Variants in CDH4 observed in about 807,000 individuals in gnomAD.
The protein encoded by CDH4 is cadherin-4.
A neutral mutation model predicts 86.0 loss-of-function variants in CDH4; 33 were observed. The observed-to-expected ratio is 0.38, with a 90% confidence interval of 0.29 to 0.51. The LOEUF (loss-of-function observed/expected upper bound fraction) is 0.51, where lower values mean the gene tolerates loss of function less well. Among genes scored for constraint, CDH4 ranks in the 20% least tolerant of loss-of-function variants. The probability of loss-of-function intolerance (pLI) is 0.86; values close to 1 mark genes in which losing one functional copy is unlikely to be tolerated. For synonymous variants in CDH4, 555 were observed against 549.4 expected, an observed-to-expected ratio of 1.01 and a Z score of -0.14; for missense variants, 1,114 against 1,307.4, an observed-to-expected ratio of 0.85 and a Z score of 2.28.
chr20:61,913,684 G>A (rs964391687), intron 9 of CDH4, among the ~76,000 whole-genome samples: 3 of 152,254 alleles, frequency 2.0e-5, no homozygotes, highest in Non-Finnish European at 4.4e-5. Flanking sequence ...CTCCAGCTGG[G>A]GATGCTCCTG....
chr20:61,461,232 A>G (rs193183131), intron 2 of CDH4, among the ~76,000 whole-genome samples: 19 of 152,254 alleles, frequency 1.2e-4, no homozygotes, highest in Admixed American at 9.2e-4. Flanking sequence ...CTGGAATTTC[A>G]GGTGCATCAG....
At chr20:61,259,001 T>G (rs1219115920) in intron 2 of CDH4, among the ~76,000 whole-genome samples, 2 of 152,190 alleles carry the variant, frequency 1.3e-5, no homozygotes, top group African/African-American at 4.8e-5. Context: ...GTGTCTTAGA[T>G]CCATTATAAT....
In CDH4 at chr20:61,510,248, T is replaced by C. The variant is rs558179019; in HGVS notation, c.170-233315T>C. ...CGTGGAGCTCAGGAAAGGACACCCA[T>C]GAGAATGTTACTTGGTGTGTGCTTT... is the stretch of plus-strand genomic sequence containing the variant. On this transcript the variant is annotated intron_variant, in intron 2 of 15. Transcript: ENST00000614565. This position sits in a 1 kb window ranked among gnomAD's most constrained non-coding sequence, Gnocchi z 4.2. Among the ~76,000 whole-genome samples, 1 of 152,104 alleles carries C rather than the reference T, an allele frequency of 6.6e-6. No individual in the cohort carries two copies. Among genetic ancestry groups the C allele is most frequent in the Non-Finnish European group, 1.5e-5 (1 of 68,004 alleles).
At chr20:61,492,035 T>C (rs1024361904) in intron 2 of CDH4, among the ~76,000 whole-genome samples, 7 of 151,762 alleles carry the variant, frequency 4.6e-5, no homozygotes, top group Admixed American at 1.3e-4. Flanking sequence ...ATGGTGGTGT[T>C]GATGTTGGTG....
At chr20:61,541,244 T>C (rs1364146535) in intron 2 of CDH4, among the ~76,000 whole-genome samples, 1 of 152,156 alleles carries the variant, frequency 6.6e-6, no homozygotes. Flanking sequence ...ATCAATCCAC[T>C]GTGCACGTGC....
chr20:61,262,813 TCTTCCCTCTCCC>T lies in CDH4; in HGVS notation c.169+7885_169+7896del, dbSNP rs527320803. Among the ~76,000 whole-genome samples the T allele has an allele frequency of 3.6e-4, 47 of 131,950 alleles. 1 individual carries two copies. The South Asian group carries it at 0.013, about 36-fold the overall frequency. 86.6% of individuals were successfully genotyped at this position (131,950 alleles called of 152,430 possible). ...CCCTCCCTCCTTCCCTCCTTTCCTC[TCTTCCCTCTCCC>T]CTTCCCTCCCCTTCCCCTCCCTCCC... On this transcript the variant is annotated intron_variant, in intron 2 of 15. Coordinates refer to ENST00000614565, the MANE Select transcript of CDH4 (RefSeq NM_001794.5).
At chr20:61,461,082 A>G (rs1336386830) in intron 2 of CDH4, among the ~76,000 whole-genome samples, 2 of 152,166 alleles carry the variant, frequency 1.3e-5, no homozygotes, top group Non-Finnish European at 2.9e-5. Flanking sequence ...TTGCATTTGT[A>G]GAAACACTGA....
intron 1 of CDH4, among the ~76,000 whole-genome samples, chr20:61,254,269 C>T (rs934139463): frequency 2.0e-5 from 3 of 152,206 alleles, no homozygotes; most frequent in African/African-American, 7.2e-5. Context: ...GGCAGCCTCC[C>T]GCAGAGCTGC....
At chr20:61,740,934 G>A (rs2088324913) in intron 2 of CDH4, 1 of 152,250 alleles carries the variant, frequency 6.6e-6, no homozygotes, top group Non-Finnish European at 1.5e-5. Flanking sequence ...GAAGTTGCCG[G>A]GCACAGGGGC....
intron 2 of CDH4, among the ~76,000 whole-genome samples, chr20:61,295,775 C>T (rs977725629): frequency 6.6e-6 from 1 of 152,168 alleles, no homozygotes; most frequent in African/African-American, 2.4e-5. Context: ...TTACCAGCTC[C>T]TCGTGCCCAC....
intron 2 of CDH4, among the ~76,000 whole-genome samples, chr20:61,455,120 G>A (rs2085400393): frequency 6.6e-6 from 1 of 151,040 alleles, no homozygotes; most frequent in African/African-American, 2.4e-5. Context: ...GTGTAGATTT[G>A]TGTAACCACC....
chr20:61,723,133 C>T (rs1056888283), intron 2 of CDH4, among the ~76,000 whole-genome samples: 13 of 152,298 alleles, frequency 8.5e-5, no homozygotes, highest in African/African-American at 2.4e-4. Context: ...CATGTGTCCC[C>T]GACTCCCAGA....
rs962094019 is a variant in CDH4, at chr20:61,381,527, C to T, written c.169+126590C>T. ...CAAGGAAAGAACATGTGACCCTTTC[C>T]CCATCCCTGCGTGCCTTCTCCCTTC... On this transcript the variant is annotated intron_variant, in intron 2 of 15. Transcript: ENST00000614565. Among the ~76,000 whole-genome samples, 6 of 152,226 alleles carry T rather than the reference C, an allele frequency of 3.9e-5. No homozygotes were observed. The Middle Eastern group carries it at 0.01, about 259-fold the overall frequency.
chr20:61,553,211 A>G lies in CDH4; in HGVS notation c.170-190352A>G, dbSNP rs2086147645. ...ACCCATGTACTGTATGATTCCATTC[A>G]TTCTAAATCCCCAGAATAGGCAAAT... On this transcript the variant is annotated intron_variant, in intron 2 of 15. Transcript: ENST00000614565. 2.6e-5 allele frequency among the ~76,000 whole-genome samples: 4 copies of G among 152,370 alleles called. No individual in the cohort carries two copies. In the South Asian group the frequency reaches 8.3e-4, roughly 32 times the overall value.
intron 2 of CDH4, among the ~76,000 whole-genome samples, chr20:61,406,700 TCTG>T (rs2085085699): frequency 6.9e-6 from 1 of 144,792 alleles, no homozygotes; most frequent in African/African-American, 2.6e-5. Context: ...CCATCTGCCA[TCTG>T]CTCTGCCTGG....
At chr20:61,420,034 G>A (rs1357090160) in intron 2 of CDH4, among the ~76,000 whole-genome samples, 3 of 152,216 alleles carry the variant, frequency 2.0e-5, no homozygotes, top group Non-Finnish European at 4.4e-5. Context: ...CTCTTAGTGG[G>A]AGTTGTACCA....
At chr20:61,378,300 A>G (rs2084883003) in intron 2 of CDH4, among the ~76,000 whole-genome samples, 1 of 152,228 alleles carries the variant, frequency 6.6e-6, no homozygotes, top group South Asian at 2.1e-4. Flanking sequence ...TCCCTTTAAA[A>G]CTTTGAAATT....
rs748275410 is a variant in CDH4 at position 61,605,554 on chromosome 20, CCT to C, written c.170-138008_170-138007del. Among the ~76,000 whole-genome samples, 100 of 150,230 alleles carry C rather than the reference CCT, an allele frequency of 6.7e-4. 1 individual carries two copies. The highest frequency in any genetic ancestry group is 3.6e-3 in the Middle Eastern group (1 of 280). On this transcript the variant is annotated intron_variant, in intron 2 of 15. Coordinates refer to ENST00000614565, the MANE Select transcript of CDH4 (RefSeq NM_001794.5). Reference sequence around the variant, plus strand: ...GTCTCTCTCCTTCTGTCTCTGTCTCCCTGTTTCTCCCTCTCTCTGTCTCTGCC... The same window carrying C: ...GTCTCTCTCCTTCTGTCTCTGTCTCCGTTTCTCCCTCTCTCTGTCTCTGCC...
intron 2 of CDH4, among the ~76,000 whole-genome samples, chr20:61,598,737 G>A (rs767954466): frequency 9.2e-5 from 14 of 152,110 alleles, no homozygotes; most frequent in East Asian, 3.9e-4. Flanking sequence ...TTCTCCACGC[G>A]TCCCAGAGGC....
Sources: allele counts gnomAD v4.1 joint callset (sites outside exome capture counted in the v4.1 genomes callset), GRCh38; gene constraint gnomAD v4.1.1; non-coding constraint Gnocchi (gnomAD v3.1); transcripts MANE v1.5; gene names NCBI Gene and HGNC (gene_info 2026-07-23, HGNC 2026-07-21).